Variants in BLNK observed in about 807,000 individuals in gnomAD.
BLNK encodes B cell linker, also known as B-cell linker protein.
Under a neutral mutation model 73.5 loss-of-function variants are expected in BLNK, and 29 were observed. The observed-to-expected ratio is 0.39, with a 90% CI of 0.29 to 0.54. BLNK has a LOEUF of 0.54. Among genes scored for constraint, BLNK ranks in the 20% least tolerant of loss-of-function variants. The pLI is 0.61. For synonymous variants in BLNK, 176 were observed against 200.8 expected (o/e 0.88, Z 1.04); for missense variants, 460 against 562.8 (o/e 0.82, Z 1.85).
chr10:96,225,267 C>T (rs1842202328), intron 5 of BLNK, among the ~76,000 whole-genome samples: 1 of 152,222 alleles, frequency 6.6e-6, no homozygotes, highest in Non-Finnish European at 1.5e-5. Flanking sequence ...AGCACAGGTG[C>T]TAGCACTGGC....
At chr10:96,197,157 C>T in intron 15 of BLNK, 94 bp from the exon 16 acceptor site, 1 of 910,142 alleles carries the variant, frequency 1.1e-6, no homozygotes. Context: ...ACCTATATTA[C>T]ATTCCAAAGG....
At chr10:96,207,323 C>T (rs2083841779) in intron 10 of BLNK, among the ~76,000 whole-genome samples, 1 of 152,070 alleles carries the variant, frequency 6.6e-6, no homozygotes, top group African/African-American at 2.4e-5. Context: ...AATCATGACC[C>T]CCCCAGCAGC....
At chr10:96,206,550 CAAAA>C (rs587613981) in intron 11 of BLNK, among the ~76,000 whole-genome samples, 2 of 126,986 alleles carry the variant, frequency 1.6e-5, no homozygotes, top group Non-Finnish European at 1.6e-5. Context: ...GACCCTAACT[CAAAA>C]AAAAAAAAAA....
intron 3 of BLNK, among the ~76,000 whole-genome samples, chr10:96,234,042 T>A (rs587769287): frequency 6.6e-6 from 1 of 152,344 alleles, no homozygotes; most frequent in East Asian, 1.9e-4. Flanking sequence ...TGGAGAAACT[T>A]GGTTTTGAAA....
chr10:96,194,856 C>T (rs948698222), intron 16 of BLNK, among the ~76,000 whole-genome samples: 6 of 143,178 alleles, frequency 4.2e-5, no homozygotes, highest in African/African-American at 1.5e-4. Flanking sequence ...CTGCAAGCTC[C>T]GCCTCCCGGG....
chr10:96,227,295 G>T, intron 5 of BLNK, 115 bp downstream of exon 5: 1 of 1,386,402 alleles, frequency 7.2e-7, no homozygotes, highest in South Asian at 1.4e-5. Context: ...GGGAGCGGGC[G>T]GCTGGCAGAG....
intron 13 of BLNK, 102 bp downstream of exon 13, chr10:96,203,955 G>A (rs1001496981): frequency 1.5e-5 from 14 of 908,480 alleles, no homozygotes; most frequent in East Asian, 4.9e-5. Context: ...CCAGGATAAC[G>A]CAGCTGGAAG....
intron 16 of BLNK, 132 bp downstream of exon 16, chr10:96,196,776 A>C (rs587684099): frequency 1.1e-6 from 1 of 877,462 alleles, no homozygotes; most frequent in South Asian, 1.6e-5. Flanking sequence ...CTTGTTCTCT[A>C]TGACATTTAT....
chr10:96,233,446 A>G (rs969800672), intron 3 of BLNK, among the ~76,000 whole-genome samples: 2 of 152,202 alleles, frequency 1.3e-5, no homozygotes, highest in African/African-American at 4.8e-5. Flanking sequence ...GTGACTCCCT[A>G]TGGAATCAAG....
chr10:96,238,158 G>A (rs1281389289), intron 3 of BLNK, among the ~76,000 whole-genome samples: 4 of 152,190 alleles, frequency 2.6e-5, no homozygotes, highest in Non-Finnish European at 4.4e-5. Flanking sequence ...GGCCTGACCT[G>A]CATCCCTGGA....
chr10:96,196,303 T>G (rs2083463501), intron 16 of BLNK, among the ~76,000 whole-genome samples: 1 of 152,196 alleles, frequency 6.6e-6, no homozygotes, highest in Non-Finnish European at 1.5e-5. Context: ...AGCTCATATT[T>G]CAGGGTTCAT....
chr10:96,264,353 G>A (rs1341240195), intron 1 of BLNK, among the ~76,000 whole-genome samples: 2 of 152,114 alleles, frequency 1.3e-5, no homozygotes, highest in East Asian at 3.9e-4. Context: ...GACTTAAAAG[G>A]CCTCCTTAGT....
At chr10:96,238,181 C>T (rs1274293203) in intron 3 of BLNK, among the ~76,000 whole-genome samples, 2 of 152,184 alleles carry the variant, frequency 1.3e-5, no homozygotes, top group African/African-American at 4.8e-5. Context: ...AGACCCAGCT[C>T]TCCATTCTTT....
chr10:96,236,348 G>A (rs1468136879), intron 3 of BLNK, among the ~76,000 whole-genome samples: 1 of 152,168 alleles, frequency 6.6e-6, no homozygotes, highest in Non-Finnish European at 1.5e-5. Flanking sequence ...CAGTTGTGGT[G>A]GTGGGGACAG....
intron 1 of BLNK, among the ~76,000 whole-genome samples, chr10:96,269,908 TC>T (rs1844196776): frequency 6.6e-6 from 1 of 152,160 alleles, no homozygotes; most frequent in Non-Finnish European, 1.5e-5. Context: ...ATAACATGTT[TC>T]CTCCAATTCT....
At chr10:96,212,049 A>G (rs2083960436) in intron 8 of BLNK, among the ~76,000 whole-genome samples, 1 of 152,162 alleles carries the variant, frequency 6.6e-6, no homozygotes, top group African/African-American at 2.4e-5. Context: ...TGGCTTTTCT[A>G]CTATGCTTCC....
chr10:96,246,276 A>G (rs1843040365), intron 2 of BLNK, among the ~76,000 whole-genome samples: 1 of 152,176 alleles, frequency 6.6e-6, no homozygotes, highest in Non-Finnish European at 1.5e-5. Flanking sequence ...AAACTGGCTG[A>G]GCGCAGTGGC....
At chr10:96,232,318 C>A (rs10882749) in intron 3 of BLNK, among the ~76,000 whole-genome samples, 109,282 of 145,110 alleles carry the variant, frequency 0.75, 41,676 homozygotes, top group Non-Finnish European at 0.86. Flanking sequence ...TGCTATTCCC[C>A]GCTGAGTAGC....
At chr10:96,249,381 CAGCTTCTCAGAAG>C (rs1322234589) in intron 1 of BLNK, among the ~76,000 whole-genome samples, 1 of 152,242 alleles carries the variant, frequency 6.6e-6, no homozygotes, top group Non-Finnish European at 1.5e-5. Flanking sequence ...GGTAAGAGGA[CAGCTTCTCAGAAG>C]AACTCTGCCT....
Sources: gnomAD v4.1 joint callset for allele counts (sites outside exome capture counted in the v4.1 genomes callset) on GRCh38, gnomAD v4.1.1 for gene constraint, MANE v1.5 for transcripts, NCBI Gene and HGNC (gene_info 2026-07-23, HGNC 2026-07-21) for gene names.